Variants in NEXMIF observed in about 807,000 individuals in gnomAD.
NEXMIF encodes the protein XLMR protein related to neurite extension.
NEXMIF carries 8 observed loss-of-function variants against 62.1 expected under a neutral mutation model. That is an observed-to-expected ratio of 0.13 (90% confidence interval 0.08 to 0.23). The LOEUF (loss-of-function observed/expected upper bound fraction) is 0.23, where lower values mean the gene tolerates loss of function less well. NEXMIF is among the 10% of genes least tolerant of loss of function. The pLI, the probability that NEXMIF is intolerant of heterozygous loss-of-function variation, is 1.00. For synonymous variants in NEXMIF, 404 were observed against 416.6 expected (o/e 0.97, Z 0.37); for missense variants, 976 against 1,113.3 (o/e 0.88, Z 1.75).
chrX:74,889,164 G>T (rs962619607), intron 1 of NEXMIF, among the ~76,000 whole-genome samples: 2 of 111,854 alleles, frequency 1.8e-5, no homozygotes, highest in African/African-American at 3.2e-5. Context: ...AATAAGCTGT[G>T]AGGGACAGGA....
chrX:74,846,675 A>G (rs778715633), intron 1 of NEXMIF, among the ~76,000 whole-genome samples: 3 of 111,981 alleles, frequency 2.7e-5, no homozygotes, highest in Non-Finnish European at 5.6e-5. Flanking sequence ...GCTCCAGAAG[A>G]TAGAGTTTGA....
intron 1 of NEXMIF, among the ~76,000 whole-genome samples, chrX:74,845,841 C>A (rs2080490202): frequency 9.1e-6 from 1 of 110,325 alleles, no homozygotes; most frequent in South Asian, 3.9e-4. Flanking sequence ...TAATTATAAC[C>A]TCTCTTAAAA....
chrX:74,790,259 C>G (rs1233298932), intron 1 of NEXMIF, among the ~76,000 whole-genome samples: 1 of 108,279 alleles, frequency 9.2e-6, no homozygotes, highest in East Asian at 2.8e-4. Context: ...TTGTTTTTCT[C>G]AGGTTTGTCA....
At chrX:74,757,255 A>C (rs1223678590) in intron 1 of NEXMIF, among the ~76,000 whole-genome samples, 1 of 112,364 alleles carries the variant, frequency 8.9e-6, no homozygotes, top group Non-Finnish European at 1.9e-5. Flanking sequence ...CAGATACCGA[A>C]CATTTTCATT....
At chrX:74,896,146 A>G (rs1389269145) in intron 1 of NEXMIF, among the ~76,000 whole-genome samples, 3 of 111,542 alleles carry the variant, frequency 2.7e-5, no homozygotes, top group African/African-American at 9.8e-5. Flanking sequence ...CTAAAATTCA[A>G]TATAAAGCAA....
At chrX:74,817,396 CAACA>C (rs1179682098) in intron 1 of NEXMIF, among the ~76,000 whole-genome samples, 3 of 111,212 alleles carry the variant, frequency 2.7e-5, no homozygotes, top group Non-Finnish European at 5.7e-5. Flanking sequence ...TAAGGCAAGG[CAACA>C]AACACTTTCC....
At chrX:74,785,064 C>G (rs1173124371) in intron 1 of NEXMIF, among the ~76,000 whole-genome samples, 11 of 111,313 alleles carry the variant, frequency 9.9e-5, no homozygotes, top group Non-Finnish European at 2.1e-4. Flanking sequence ...AAGCTTGCAC[C>G]TGGTATCCTC....
intron 1 of NEXMIF, among the ~76,000 whole-genome samples, chrX:74,876,885 C>T: frequency 9.1e-6 from 1 of 110,206 alleles, no homozygotes; most frequent in Non-Finnish European, 1.9e-5. Context: ...CTATGTGTGT[C>T]TCTGCATGTG....
At chrX:74,779,238 A>G (rs2080238176) in intron 1 of NEXMIF, among the ~76,000 whole-genome samples, 1 of 112,468 alleles carries the variant, frequency 8.9e-6, no homozygotes, top group Admixed American at 9.4e-5. Context: ...AGTAAGACGT[A>G]ATCTGACCTT....
At chrX:74,848,084 C>CA (rs1363288596) in intron 1 of NEXMIF, among the ~76,000 whole-genome samples, 3 of 111,372 alleles carry the variant, frequency 2.7e-5, no homozygotes. Context: ...TTCCCATAGA[C>CA]AAAAAAATCC....
At chrX:74,896,408 TG>T (rs2080733090) in intron 1 of NEXMIF, among the ~76,000 whole-genome samples, 1 of 112,452 alleles carries the variant, frequency 8.9e-6, no homozygotes, top group Non-Finnish European at 1.9e-5. Flanking sequence ...TCTTTTCAAC[TG>T]ATGACTCCTT....
intron 1 of NEXMIF, among the ~76,000 whole-genome samples, chrX:74,776,463 C>T (rs1007584805): frequency 2.7e-5 from 3 of 111,365 alleles, no homozygotes; most frequent in Admixed American, 1.9e-4. Flanking sequence ...CGGTGGCTCA[C>T]GCCTGTAATC....
chrX:74,803,017 G>T (rs1339340566), intron 1 of NEXMIF, among the ~76,000 whole-genome samples: 9 of 109,854 alleles, frequency 8.2e-5, no homozygotes, highest in Non-Finnish European at 1.7e-4. Context: ...CACAGTCAGA[G>T]GAGACAAAAG....
chrX:74,803,440 C>A (rs992204619), intron 1 of NEXMIF, among the ~76,000 whole-genome samples: 13 of 110,481 alleles, frequency 1.2e-4, no homozygotes, highest in Admixed American at 4.8e-4. Flanking sequence ...TGGTGGCAGG[C>A]GCCTGTAGTC....
intron 1 of NEXMIF, among the ~76,000 whole-genome samples, chrX:74,895,673 AT>A (rs1215026256): frequency 9.0e-6 from 1 of 111,020 alleles, no homozygotes; most frequent in East Asian, 2.8e-4. Flanking sequence ...CAGTGAACTC[AT>A]TTTCCACAAA....
intron 1 of NEXMIF, among the ~76,000 whole-genome samples, chrX:74,784,289 T>G (rs1488469927): frequency 9.0e-6 from 1 of 111,541 alleles, no homozygotes; most frequent in Non-Finnish European, 1.9e-5. Context: ...TTGCCAAAAC[T>G]CCACAGTGCG....
intron 1 of NEXMIF, among the ~76,000 whole-genome samples, chrX:74,774,568 C>T (rs958911029): frequency 8.9e-6 from 1 of 112,344 alleles, no homozygotes; most frequent in African/African-American, 3.2e-5. Flanking sequence ...CAACTCAAAA[C>T]ATTCTTTGTG....
chrX:74,882,351 C>T (rs986242061), intron 1 of NEXMIF, among the ~76,000 whole-genome samples: 6 of 111,966 alleles, frequency 5.4e-5, no homozygotes, highest in Admixed American at 1.9e-4. Flanking sequence ...GTCAAGGCTT[C>T]GCCTCACCCG....
chrX:74,786,922 C>T (rs1490371363), intron 1 of NEXMIF, among the ~76,000 whole-genome samples: 1 of 110,459 alleles, frequency 9.1e-6, no homozygotes, highest in Non-Finnish European at 1.9e-5. Flanking sequence ...ATTACATCAA[C>T]TGTTTTCAGT....
Sources: allele counts gnomAD v4.1 joint callset (sites outside exome capture counted in the v4.1 genomes callset), GRCh38; gene constraint gnomAD v4.1.1; transcripts MANE v1.5; gene names NCBI Gene and HGNC (gene_info 2026-07-23, HGNC 2026-07-21).